Variants in PCDH15 observed in about 807,000 individuals in gnomAD.
PCDH15 encodes the protein protocadherin related 15.
Under a neutral mutation model 178.5 loss-of-function variants are expected in PCDH15, and 129 were observed. The ratio of observed to expected loss-of-function variants is 0.72; its 90% confidence interval spans 0.63 to 0.84. The LOEUF is 0.84. Among genes scored for constraint, PCDH15 ranks in the 40% least tolerant of loss-of-function variants. PCDH15 has a pLI of 0.00. For synonymous variants in PCDH15, 800 were observed against 732.0 expected, an observed-to-expected ratio of 1.09 and a Z score of -1.50; for missense variants, 2,230 against 2,099.9, an observed-to-expected ratio of 1.06 and a Z score of -1.21.
chr10:54,392,914 A>C (rs892317049), intron 3 of PCDH15, among the ~76,000 whole-genome samples: 1 of 151,940 alleles, frequency 6.6e-6, no homozygotes, highest in Admixed American at 6.6e-5. Flanking sequence ...AAAAAAAAAA[A>C]AAAATTGCAT....
intron 2 of PCDH15, among the ~76,000 whole-genome samples, chr10:55,125,163 T>TTGTGTGTGTG (rs34423359): frequency 0.02 from 2,797 of 143,042 alleles, 74 homozygotes; most frequent in African/African-American, 0.053. Flanking sequence ...TTTTTTTTAA[T>TTGTGTGTGTG]TGTGTGTGTG....
chr10:55,094,396 T>G (rs1842395697), intron 2 of PCDH15, among the ~76,000 whole-genome samples: 1 of 150,318 alleles, frequency 6.7e-6, no homozygotes, highest in South Asian at 2.1e-4. Flanking sequence ...TGTTGTGGGG[T>G]AGGGGGATGG....
At chr10:53,977,869 CA>C (rs1042072157) in intron 21 of PCDH15, among the ~76,000 whole-genome samples, 5 of 152,214 alleles carry the variant, frequency 3.3e-5, no homozygotes, top group Admixed American at 3.3e-4. Flanking sequence ...GTCTAAAATC[CA>C]GGGGGGAAGT....
chr10:55,379,109 T>G (rs1221972594), intron 2 of PCDH15, among the ~76,000 whole-genome samples: 3 of 150,560 alleles, frequency 2.0e-5, no homozygotes, highest in African/African-American at 7.3e-5. Context: ...CATACATTGA[T>G]ATATATATAT....
chr10:54,731,632 A>G (rs191844809), intron 1 of PCDH15, among the ~76,000 whole-genome samples: 1 of 148,500 alleles, frequency 6.7e-6, no homozygotes, highest in East Asian at 2.0e-4. Context: ...CATACAAGAG[A>G]ATGAAATCCT....
At chr10:54,945,375 A>AGAT in intron 2 of PCDH15, among the ~76,000 whole-genome samples, 1 of 151,488 alleles carries the variant, frequency 6.6e-6, no homozygotes, top group East Asian at 1.9e-4. Context: ...ATAGATAGAT[A>AGAT]GATAGATAGA....
At chr10:54,458,291 T>C (rs573400522) in intron 3 of PCDH15, among the ~76,000 whole-genome samples, 1 of 149,074 alleles carries the variant, frequency 6.7e-6, no homozygotes, top group South Asian at 2.1e-4. Flanking sequence ...CCGTAAGAAT[T>C]AGTATCTTAA....
At chr10:54,400,228 T>A (rs1348869069) in intron 3 of PCDH15, among the ~76,000 whole-genome samples, 2 of 152,134 alleles carry the variant, frequency 1.3e-5, no homozygotes, top group African/African-American at 4.8e-5. Flanking sequence ...AAGGAATACA[T>A]GTGTAATGTC....
Position 55,312,485 on chromosome 10 carries a change from T to C in PCDH15, c.-156+7114A>G, listed in dbSNP as rs145268112. On this transcript the variant is annotated intron_variant, in intron 1 of 5. Transcript: ENST00000458638. ...AACCCACATTATGCCATGCACTGTATAATAAGTGTAGCTTGCTGTGTGTCT... is the reference window on the plus strand; with the variant it reads ...AACCCACATTATGCCATGCACTGTACAATAAGTGTAGCTTGCTGTGTGTCT... Among the ~76,000 whole-genome samples the C allele has an allele frequency of 2.3e-3, 355 of 152,260 alleles. 2 individuals carry two copies. Among genetic ancestry groups the C allele is most frequent in the African/African-American group, 8.2e-3 (341 of 41,532 alleles).
At chr10:54,746,621 A>G (rs1475381289) in intron 1 of PCDH15, among the ~76,000 whole-genome samples, 1 of 152,224 alleles carries the variant, frequency 6.6e-6, no homozygotes, top group Non-Finnish European at 1.5e-5. Context: ...AAAAATTAAA[A>G]ATTAATGAAA....
chr10:55,284,506 C>A (rs1333968519), intron 1 of PCDH15, among the ~76,000 whole-genome samples: 1 of 152,016 alleles, frequency 6.6e-6, no homozygotes, highest in African/African-American at 2.4e-5. Context: ...ACAGTTTATG[C>A]AGAAACTCTG....
intron 1 of PCDH15, among the ~76,000 whole-genome samples, chr10:55,281,373 T>G (rs775204882): frequency 6.7e-5 from 10 of 150,272 alleles, no homozygotes; most frequent in East Asian, 3.9e-4. Flanking sequence ...AAATTTCATG[T>G]TTTTTTTTAA....
At chr10:54,894,000 T>C (rs1477054429) in intron 3 of PCDH15, among the ~76,000 whole-genome samples, 1 of 152,172 alleles carries the variant, frequency 6.6e-6, no homozygotes, top group Non-Finnish European at 1.5e-5. Flanking sequence ...GTTTGCTTGC[T>C]GTTTATAATA....
At chr10:54,274,616 TTGTGTGTGTGTGTGTGTGTG>T (rs3069673) in intron 8 of PCDH15, among the ~76,000 whole-genome samples, 3 of 144,658 alleles carry the variant, frequency 2.1e-5, no homozygotes, top group Non-Finnish European at 4.6e-5. Flanking sequence ...CTCAGTTTAA[TTGTGTGTGTGTGTGTGTGTG>T]TGTGTGTGTG....
chr10:55,161,124 A>G (rs924043868), intron 2 of PCDH15, among the ~76,000 whole-genome samples: 3 of 152,126 alleles, frequency 2.0e-5, no homozygotes, highest in African/African-American at 7.2e-5. Context: ...TTCCATAGTC[A>G]TACAGTATAT....
intron 21 of PCDH15, among the ~76,000 whole-genome samples, chr10:53,963,782 G>A (rs2088636938): frequency 6.6e-6 from 1 of 151,918 alleles, no homozygotes; most frequent in Non-Finnish European, 1.5e-5. Context: ...ATCACATCCT[G>A]CCAATACCTC....
intron 15 of PCDH15, among the ~76,000 whole-genome samples, chr10:54,122,216 T>A (rs2041592772): frequency 6.6e-6 from 1 of 152,006 alleles, no homozygotes; most frequent in African/African-American, 2.4e-5. Flanking sequence ...TTTCAACATA[T>A]ACAAATCAGT....
At chr10:54,203,481 A>G (rs1182934470) in intron 10 of PCDH15, among the ~76,000 whole-genome samples, 1 of 152,176 alleles carries the variant, frequency 6.6e-6, no homozygotes, top group Non-Finnish European at 1.5e-5. Flanking sequence ...TTGAGAAAAA[A>G]AGCAGAGAGA....
At position 54,020,051 on chromosome 10, in the gene PCDH15, T is replaced by C. The variant is rs1394686202; in HGVS notation, c.2751+141A>G. The C allele has an allele frequency of 7.1e-6, 5 of 706,904 alleles. No homozygotes were observed. In the East Asian group the frequency reaches 1.1e-4, roughly 15 times the overall value. 43.8% of individuals were successfully genotyped at this position (706,904 alleles called of 1,614,324 possible). A position where few individuals can be genotyped will look rare whatever the true frequency, so the allele number is the denominator to read the frequency against. ...TCTTATGTATTCATAAATATTTCCA[T>C]TGGAAAATCTATGTTATGGGTCTGG... On this transcript the variant is annotated intron_variant, in intron 20 of 37. Coordinates refer to ENST00000644397, the MANE Select transcript of PCDH15 (RefSeq NM_001384140.1).
Sources: allele counts gnomAD v4.1 joint callset (sites outside exome capture counted in the v4.1 genomes callset), GRCh38; gene constraint gnomAD v4.1.1; transcripts MANE v1.5; gene names NCBI Gene and HGNC (gene_info 2026-07-23, HGNC 2026-07-21).